TMTC2: variants seen among roughly 807,000 people sequenced by gnomAD.
The protein encoded by TMTC2 is transmembrane O-mannosyltransferase targeting cadherins 2.
TMTC2 carries 43 observed loss-of-function variants against 82.4 expected under a neutral mutation model. That is an observed-to-expected ratio of 0.52 (90% CI 0.41 to 0.67). The LOEUF (loss-of-function observed/expected upper bound fraction) is 0.67. Ranked by LOEUF, TMTC2 falls within the 30% of genes least tolerant of loss-of-function variation. The pLI, the probability that TMTC2 is intolerant of heterozygous loss-of-function variation, is 0.00. For missense variants in TMTC2, 919 were observed against 1,012.4 expected (o/e 0.91, Z 1.25); for synonymous variants, 408 against 381.9 (o/e 1.07, Z -0.80).
chr12:82,908,610 G>T (rs537065039), intron 3 of TMTC2, among the ~76,000 whole-genome samples: 2 of 152,004 alleles, frequency 1.3e-5, no homozygotes, highest in African/African-American at 4.8e-5. Flanking sequence ...GTGATTGTCA[G>T]TTTCTCTCTT....
intron 1 of TMTC2, among the ~76,000 whole-genome samples, chr12:82,752,806 A>G (rs1028106560): frequency 5.3e-5 from 8 of 152,094 alleles, no homozygotes; most frequent in African/African-American, 1.4e-4. Flanking sequence ...CAAGATTTTT[A>G]GGGAGCTAGG....
At chr12:82,978,305 A>T (rs955498461) in intron 7 of TMTC2, among the ~76,000 whole-genome samples, 12 of 151,756 alleles carry the variant, frequency 7.9e-5, no homozygotes, top group African/African-American at 2.2e-4. Context: ...ACAAATGATT[A>T]TCCATTTTGG....
chr12:83,123,824 G>A (rs1240401765), intron 11 of TMTC2, among the ~76,000 whole-genome samples: 2 of 151,998 alleles, frequency 1.3e-5, no homozygotes, highest in Non-Finnish European at 2.9e-5. Context: ...TCTCATTCTG[G>A]GAGTCTAAGA....
chr12:82,728,894 G>C (rs1874605610), intron 1 of TMTC2, among the ~76,000 whole-genome samples: 1 of 152,230 alleles, frequency 6.6e-6, no homozygotes, highest in East Asian at 1.9e-4. Context: ...ACTGGGCAGT[G>C]AGGAGCTTAG....
intron 1 of TMTC2, among the ~76,000 whole-genome samples, chr12:82,843,944 T>A (rs1291958367): frequency 6.6e-6 from 1 of 152,100 alleles, no homozygotes; most frequent in African/African-American, 2.4e-5. Context: ...TGAGACTCGG[T>A]CTTGGGAGGA....
At chr12:82,714,427 C>A (rs576570158) in intron 1 of TMTC2, among the ~76,000 whole-genome samples, 8 of 152,120 alleles carry the variant, frequency 5.3e-5, no homozygotes, top group Admixed American at 1.3e-4. Context: ...TAGTAGAGTG[C>A]TTCCTTATCA....
At chr12:82,995,081 C>T (rs188841086) in intron 8 of TMTC2, among the ~76,000 whole-genome samples, 2 of 152,232 alleles carry the variant, frequency 1.3e-5, no homozygotes, top group African/African-American at 2.4e-5. Context: ...AACATTTTCA[C>T]ATGAGTTAAA....
intron 8 of TMTC2, among the ~76,000 whole-genome samples, chr12:83,005,556 G>A (rs58550972): frequency 1.3e-5 from 2 of 152,014 alleles, no homozygotes; most frequent in African/African-American, 4.8e-5. Context: ...TGAGAGTGAC[G>A]GCTCTTACCC....
chr12:82,725,211 A>T (rs1874392950), intron 1 of TMTC2, among the ~76,000 whole-genome samples: 1 of 151,966 alleles, frequency 6.6e-6, no homozygotes, highest in African/African-American at 2.4e-5. Context: ...TTGGAAGTGG[A>T]GGGTTAGGGG....
intron 10 of TMTC2, among the ~76,000 whole-genome samples, chr12:83,052,024 C>T (rs1191609640): frequency 6.6e-6 from 1 of 152,022 alleles, no homozygotes; most frequent in Non-Finnish European, 1.5e-5. Context: ...CTCCCATATT[C>T]TTACTTGAAT....
At chr12:82,960,464 G>A (rs983894262) in intron 4 of TMTC2, among the ~76,000 whole-genome samples, 3 of 152,076 alleles carry the variant, frequency 2.0e-5, no homozygotes. Context: ...ATATAATTAT[G>A]TATTTTGCTG....
chr12:82,770,788 A>G (rs1300148395), intron 1 of TMTC2, among the ~76,000 whole-genome samples: 1 of 152,168 alleles, frequency 6.6e-6, no homozygotes, highest in Admixed American at 6.5e-5. Context: ...TATAACCTTT[A>G]TGACTATCTA....
chr12:82,773,305 TTTGA>T lies in TMTC2; in HGVS notation c.84-83701_84-83698del, dbSNP rs1877405833. The stretch of plus-strand genomic sequence containing the variant: ...TTATTACTACTCAACCTAATGTTCT[TTTGA>T]TTGTATTGCAGTTTGTGATAAAATG... On this transcript the variant is annotated intron_variant, in intron 1 of 11. Coordinates refer to ENST00000321196, the MANE Select transcript of TMTC2 (RefSeq NM_152588.3). 7.9e-5 allele frequency among the ~76,000 whole-genome samples: 12 copies of T among 152,310 alleles called. No individual in the cohort carries two copies. In the South Asian group the frequency reaches 2.5e-3, roughly 32 times the overall value.
intron 10 of TMTC2, among the ~76,000 whole-genome samples, chr12:83,054,316 T>C (rs1422823740): frequency 3.3e-5 from 5 of 152,058 alleles, no homozygotes; most frequent in African/African-American, 9.7e-5. Context: ...CATTATAATG[T>C]CGGGAAAAGA....
chr12:82,820,912 C>G (rs1007260739), intron 1 of TMTC2, among the ~76,000 whole-genome samples: 17 of 151,916 alleles, frequency 1.1e-4, no homozygotes, highest in African/African-American at 4.1e-4. Context: ...AGGTCTCACT[C>G]TGTTGCCTAG....
intron 10 of TMTC2, among the ~76,000 whole-genome samples, chr12:83,057,653 G>C (rs186907094): frequency 6.6e-6 from 1 of 151,826 alleles, no homozygotes; most frequent in Non-Finnish European, 1.5e-5. Context: ...AGCCTGGCAA[G>C]AATCCAGGAG....
At chr12:82,822,631 AGCCTG>A (rs1461077140) in intron 1 of TMTC2, among the ~76,000 whole-genome samples, 1 of 152,228 alleles carries the variant, frequency 6.6e-6, no homozygotes, top group Non-Finnish European at 1.5e-5. Flanking sequence ...TTAGCTTATC[AGCCTG>A]TGAAACCAAG....
At chr12:83,127,025 A>C (rs1206436708) in intron 11 of TMTC2, among the ~76,000 whole-genome samples, 1 of 152,148 alleles carries the variant, frequency 6.6e-6, no homozygotes, top group African/African-American at 2.4e-5. Flanking sequence ...ATTTCAACTG[A>C]ATACAGTTGA....
chr12:82,717,169 A>G (rs930086116), intron 1 of TMTC2, among the ~76,000 whole-genome samples: 1 of 151,908 alleles, frequency 6.6e-6, no homozygotes, highest in Admixed American at 6.6e-5. Context: ...CCTGCTCCCA[A>G]GACAAATGTA....
Sources: gnomAD v4.1 joint callset for allele counts (sites outside exome capture counted in the v4.1 genomes callset) on GRCh38, gnomAD v4.1.1 for gene constraint, MANE v1.5 for transcripts, NCBI Gene and HGNC (gene_info 2026-07-23, HGNC 2026-07-21) for gene names.